Variants in MAGI2 observed in about 807,000 individuals in gnomAD.
The protein encoded by MAGI2 is membrane-associated guanylate kinase, WW and PDZ domain-containing protein 2.
In MAGI2, 35 loss-of-function variants were observed where a neutral mutation model predicts 133.3. The observed-to-expected ratio is 0.26, with a 90% CI of 0.20 to 0.35. The LOEUF is 0.35. MAGI2 is among the 10% of genes least tolerant of loss of function. MAGI2 has a pLI of 1.00. For synonymous variants in MAGI2, 729 were observed against 710.6 expected, an observed-to-expected ratio of 1.03 and a Z score of -0.41; for missense variants, 1,636 against 1,863.4, an observed-to-expected ratio of 0.88 and a Z score of 2.25.
At chr7:79,370,664 A>G (rs1842995051) in intron 1 of MAGI2, among the ~76,000 whole-genome samples, 1 of 151,816 alleles carries the variant, frequency 6.6e-6, no homozygotes, top group South Asian at 2.1e-4. Flanking sequence ...TTTATGAACT[A>G]ATACAACCGC....
intron 6 of MAGI2, among the ~76,000 whole-genome samples, chr7:78,411,449 C>T (rs956561325): frequency 6.6e-6 from 1 of 151,888 alleles, no homozygotes; most frequent in Non-Finnish European, 1.5e-5. Context: ...TTGTCGTATA[C>T]CAACAATAAA....
intron 21 of MAGI2, 167 bp downstream of exon 21, chr7:78,078,780 G>GTGTGTA: frequency 1.5e-6 from 1 of 670,760 alleles, no homozygotes; most frequent in Non-Finnish European, 2.5e-6. Context: ...ACATACGTGT[G>GTGTGTA]TGTGTGTATG....
intron 1 of MAGI2, among the ~76,000 whole-genome samples, chr7:79,444,471 C>G (rs367677316): frequency 8.5e-5 from 13 of 152,246 alleles, no homozygotes; most frequent in Non-Finnish European, 1.3e-4. Flanking sequence ...AAAGTCTCAG[C>G]ATACAAAATC....
intron 2 of MAGI2, among the ~76,000 whole-genome samples, chr7:78,976,766 T>G (rs948235417): frequency 6.6e-6 from 1 of 151,334 alleles, no homozygotes. Flanking sequence ...GTTGCAGGAT[T>G]AATGGTCAAC....
At chr7:79,418,009 G>T (rs1324186674) in intron 1 of MAGI2, among the ~76,000 whole-genome samples, 3 of 151,748 alleles carry the variant, frequency 2.0e-5, no homozygotes, top group Non-Finnish European at 4.4e-5. Context: ...TTTTTCATGT[G>T]TACAGGCATT....
At chr7:79,362,735 T>C (rs1842444643) in intron 1 of MAGI2, among the ~76,000 whole-genome samples, 1 of 151,910 alleles carries the variant, frequency 6.6e-6, no homozygotes, top group South Asian at 2.1e-4. Flanking sequence ...AATCCAATGG[T>C]CATTAGATAA....
At chr7:79,002,711 T>C (rs1807000962) in intron 2 of MAGI2, among the ~76,000 whole-genome samples, 1 of 152,064 alleles carries the variant, frequency 6.6e-6, no homozygotes, top group Admixed American at 6.6e-5. Flanking sequence ...ACATTTCCAT[T>C]GAGAAACTGC....
intron 2 of MAGI2, among the ~76,000 whole-genome samples, chr7:78,653,477 C>T (rs1451788766): frequency 6.6e-6 from 1 of 152,062 alleles, no homozygotes; most frequent in East Asian, 1.9e-4. Context: ...AGTTCATGTC[C>T]TTTGCAGGGA....
intron 2 of MAGI2, among the ~76,000 whole-genome samples, chr7:78,684,360 A>G (rs946417561): frequency 5.3e-5 from 8 of 152,116 alleles, no homozygotes; most frequent in Non-Finnish European, 2.9e-5. Context: ...TCCCCCAGTT[A>G]ACACTCACTT....
At chr7:79,243,916 T>C (rs1024854955) in intron 1 of MAGI2, among the ~76,000 whole-genome samples, 4 of 152,216 alleles carry the variant, frequency 2.6e-5, no homozygotes, top group African/African-American at 9.6e-5. Flanking sequence ...TAAAACTTAC[T>C]TGAAAGAAAC....
At chr7:78,182,014 T>G (rs557812630) in intron 13 of MAGI2, among the ~76,000 whole-genome samples, 1 of 152,312 alleles carries the variant, frequency 6.6e-6, no homozygotes, top group East Asian at 1.9e-4. Flanking sequence ...ATGAATTAAT[T>G]TGGCATATGG....
chr7:79,336,223 A>G (rs1840428796), intron 1 of MAGI2, among the ~76,000 whole-genome samples: 1 of 152,066 alleles, frequency 6.6e-6, no homozygotes, highest in East Asian at 1.9e-4. Flanking sequence ...TCCATTTAGG[A>G]CACAGGTGAA....
At chr7:78,470,792 G>A (rs1195494378) in intron 6 of MAGI2, among the ~76,000 whole-genome samples, 1 of 152,108 alleles carries the variant, frequency 6.6e-6, no homozygotes, top group Non-Finnish European at 1.5e-5. Flanking sequence ...TCTATTGGCT[G>A]AGCACAATGG....
chr7:78,259,378 A>G (rs990404874), intron 9 of MAGI2, among the ~76,000 whole-genome samples: 1 of 152,178 alleles, frequency 6.6e-6, no homozygotes, highest in Non-Finnish European at 1.5e-5. Context: ...ACTGGCTTCA[A>G]TCCTCTGTGA....
Position 78,019,688 on chromosome 7 carries a change from G to A in MAGI2, c.3995C>T (p.Pro1332Leu). 2.0e-6 allele frequency: 3 copies of A among 1,486,820 alleles called. No homozygotes were observed. Among genetic ancestry groups the A allele is most frequent in the Admixed American group, 2.4e-5 (1 of 40,992 alleles). 92.1% of individuals were successfully genotyped at this position (1,486,820 alleles called of 1,614,324 possible). The part of the protein sequence containing the change: ...RAARPRLEEA[P>L]GGQGRPEAGR... ...GGCCTCGGGCCGCCCCTGGCCGCCG[G>A]GCGCCTCCTCGAGCCTCGGCCGCGC... The change falls in exon 22 of 22, where the codon CCC becomes CTC. Residue 1332 changes from proline to leucine, a missense_variant. By Grantham distance (98) the Pro-to-Leu change is moderately conservative (BLOSUM62 -3). This residue lies in a region of MAGI2 where 354 missense variants were observed against 298.7 expected (regional missense o/e 1.19). Transcript: ENST00000354212.
At chr7:78,602,019 T>A (rs866363684) in intron 3 of MAGI2, among the ~76,000 whole-genome samples, 1 of 152,192 alleles carries the variant, frequency 6.6e-6, no homozygotes, top group African/African-American at 2.4e-5. Flanking sequence ...CAAAGCTACA[T>A]AGACAGTTCT....
At chr7:78,202,687 A>AAC (rs1481420513) in intron 10 of MAGI2, among the ~76,000 whole-genome samples, 2 of 150,794 alleles carry the variant, frequency 1.3e-5, no homozygotes, top group African/African-American at 4.9e-5. Flanking sequence ...TGTCTCAAAA[A>AAC]AAAAAAAAAA....
At chr7:78,678,786 C>A (rs552658260) in intron 2 of MAGI2, among the ~76,000 whole-genome samples, 1 of 152,180 alleles carries the variant, frequency 6.6e-6, no homozygotes, top group East Asian at 1.9e-4. Flanking sequence ...CCATGTTGCC[C>A]AAATGACTAT....
intron 2 of MAGI2, among the ~76,000 whole-genome samples, chr7:78,986,682 C>T (rs959878706): frequency 6.6e-6 from 1 of 151,854 alleles, no homozygotes; most frequent in African/African-American, 2.4e-5. Context: ...CTACCATGCC[C>T]GGCCATATAG....
Sources: gnomAD v4.1 joint callset for allele counts (sites outside exome capture counted in the v4.1 genomes callset) on GRCh38, gnomAD v4.1.1 for gene constraint, gnomAD v4.1.1 regional missense constraint, MANE v1.5 for transcripts, NCBI Gene and HGNC (gene_info 2026-07-23, HGNC 2026-07-21) for gene names.